The following CDKAL1 variants were observed in gnomAD, a reference collection of about 807,000 sequenced individuals.
CDKAL1 encodes the protein CDKAL1 threonylcarbamoyladenosine tRNA methylthiotransferase.
CDKAL1 carries 32 observed loss-of-function variants against 68.2 expected under a neutral mutation model. The ratio of observed to expected loss-of-function variants is 0.47; its 90% CI spans 0.35 to 0.63. The LOEUF (loss-of-function observed/expected upper bound fraction) is 0.63. Among genes scored for constraint, CDKAL1 ranks in the 30% least tolerant of loss-of-function variants. The pLI is 0.00. For synonymous variants in CDKAL1, 234 were observed against 244.3 expected, an observed-to-expected ratio of 0.96 and a Z score of 0.39; for missense variants, 606 against 696.7, an observed-to-expected ratio of 0.87 and a Z score of 1.47.
intron 12 of CDKAL1, among the ~76,000 whole-genome samples, chr6:21,073,934 C>T (rs1214583386): frequency 1.3e-5 from 2 of 152,112 alleles, no homozygotes; most frequent in Non-Finnish European, 2.9e-5. Flanking sequence ...TCAGAGTGTC[C>T]TAGGCCAACT....
At chr6:20,808,488 A>C (rs979250367) in intron 8 of CDKAL1, among the ~76,000 whole-genome samples, 2 of 152,102 alleles carry the variant, frequency 1.3e-5, no homozygotes, top group Admixed American at 6.6e-5. Flanking sequence ...GGTTGATGGA[A>C]ACAGGGAGAG....
intron 9 of CDKAL1, among the ~76,000 whole-genome samples, chr6:20,854,665 A>G (rs1164952824): frequency 6.6e-6 from 1 of 152,246 alleles, no homozygotes; most frequent in Admixed American, 6.5e-5. Flanking sequence ...CATAGTTCAG[A>G]GTATGTATAG....
At chr6:20,970,239 T>C (rs1765524720) in intron 10 of CDKAL1, among the ~76,000 whole-genome samples, 1 of 152,144 alleles carries the variant, frequency 6.6e-6, no homozygotes, top group African/African-American at 2.4e-5. Context: ...GTTTTCATGA[T>C]TGAAGGCTGT....
chr6:21,022,446 A>G (rs528636839), intron 11 of CDKAL1, among the ~76,000 whole-genome samples: 1 of 152,334 alleles, frequency 6.6e-6, no homozygotes, highest in South Asian at 2.1e-4. Flanking sequence ...ATTCTAAACA[A>G]TAGATTGTGG....
rs560908145 is a variant in CDKAL1 at position 20,836,747 on chromosome 6, T to C, written c.639-9328T>C. ...GGTAGTTTTTATCATTCCCTTCTCC[T>C]GTTCCAATAAAGAAAAGAGCTCTCA... is the stretch of plus-strand genomic sequence containing the variant. On this transcript the variant is annotated intron_variant, in intron 8 of 15. Coordinates refer to ENST00000274695, the MANE Select transcript of CDKAL1 (RefSeq NM_017774.3). 6.8e-4 allele frequency among the ~76,000 whole-genome samples: 103 copies of C among 152,274 alleles called. No individual in the cohort carries two copies. The Middle Eastern group carries it at 0.014, about 20-fold the overall frequency.
chr6:20,656,700 A>G (rs1473790309), intron 5 of CDKAL1, among the ~76,000 whole-genome samples: 4 of 152,162 alleles, frequency 2.6e-5, no homozygotes, highest in Non-Finnish European at 5.9e-5. Context: ...AACTTGTGTC[A>G]ATGGGTTTTG....
chr6:21,110,747 G>T (rs766699209), intron 13 of CDKAL1, among the ~76,000 whole-genome samples: 1 of 152,044 alleles, frequency 6.6e-6, no homozygotes, highest in East Asian at 1.9e-4. Flanking sequence ...TCACTTGAGC[G>T]CAGGAGTTTG....
chr6:21,137,761 C>T (rs1775685226), intron 13 of CDKAL1, among the ~76,000 whole-genome samples: 1 of 152,122 alleles, frequency 6.6e-6, no homozygotes. Flanking sequence ...GTTAATATAA[C>T]CAAATGTTAG....
intron 5 of CDKAL1, among the ~76,000 whole-genome samples, chr6:20,683,757 T>A (rs551596072): frequency 6.6e-6 from 1 of 152,344 alleles, no homozygotes; most frequent in East Asian, 1.9e-4. Flanking sequence ...ACATTAAAGT[T>A]GACTTTTGGT....
At chr6:20,959,297 A>G (rs1764935606) in intron 10 of CDKAL1, among the ~76,000 whole-genome samples, 1 of 152,204 alleles carries the variant, frequency 6.6e-6, no homozygotes, top group Non-Finnish European at 1.5e-5. Flanking sequence ...TATCTCAAAC[A>G]TATATATTGT....
At chr6:20,758,456 A>C in intron 6 of CDKAL1, 139 bp from the exon 7 acceptor site, 1 of 605,980 alleles carries the variant, frequency 1.7e-6, no homozygotes. Flanking sequence ...GATATTTTTT[A>C]TAGTGTCTCC....
At chr6:21,202,132 C>T (rs914750619) in intron 15 of CDKAL1, among the ~76,000 whole-genome samples, 23 of 152,076 alleles carry the variant, frequency 1.5e-4, no homozygotes, top group Non-Finnish European at 2.8e-4. Context: ...GCAATAGTAC[C>T]GCTTCACTCT....
At chr6:21,028,730 T>G (rs201306) in intron 11 of CDKAL1, among the ~76,000 whole-genome samples, 13,778 of 152,240 alleles carry the variant, frequency 0.091, 808 homozygotes, top group Middle Eastern at 0.16. Flanking sequence ...TAACAGCTAG[T>G]TAGGTATTAT....
chr6:20,721,330 A>G (rs1054888164), intron 5 of CDKAL1, among the ~76,000 whole-genome samples: 1 of 152,046 alleles, frequency 6.6e-6, no homozygotes, highest in African/African-American at 2.4e-5. Context: ...CATGGCTTTT[A>G]TGTGCCACAT....
At chr6:20,864,853 T>G (rs779676129) in intron 9 of CDKAL1, among the ~76,000 whole-genome samples, 32 of 152,204 alleles carry the variant, frequency 2.1e-4, no homozygotes, top group Non-Finnish European at 2.9e-4. Context: ...TGCATGATAT[T>G]TATTATATCC....
At chr6:21,181,923 T>G (rs1257237266) in intron 13 of CDKAL1, among the ~76,000 whole-genome samples, 1 of 152,220 alleles carries the variant, frequency 6.6e-6, no homozygotes, top group Non-Finnish European at 1.5e-5. Context: ...TTATTTTCTC[T>G]TAAAGAACTT....
At chr6:20,703,592 G>T (rs904932440) in intron 5 of CDKAL1, among the ~76,000 whole-genome samples, 1 of 152,128 alleles carries the variant, frequency 6.6e-6, no homozygotes, top group Non-Finnish European at 1.5e-5. Context: ...CCATTTGAAT[G>T]AAGTAAAAAT....
At chr6:21,203,146 C>T (rs964951713) in intron 15 of CDKAL1, among the ~76,000 whole-genome samples, 2 of 146,674 alleles carry the variant, frequency 1.4e-5, no homozygotes, top group African/African-American at 2.5e-5. Context: ...GCCTCCTGGG[C>T]GCAAGCAATC....
intron 4 of CDKAL1, among the ~76,000 whole-genome samples, chr6:20,635,755 T>C (rs1463799106): frequency 6.6e-6 from 1 of 151,948 alleles, no homozygotes; most frequent in Non-Finnish European, 1.5e-5. Context: ...CCTCTTAGGG[T>C]CTTTGGCTGA....
Sources: gnomAD v4.1 joint callset for allele counts (sites outside exome capture counted in the v4.1 genomes callset) on GRCh38, gnomAD v4.1.1 for gene constraint, MANE v1.5 for transcripts, NCBI Gene and HGNC (gene_info 2026-07-23, HGNC 2026-07-21) for gene names.